Variants in MPHOSPH6 observed in about 807,000 individuals in gnomAD.
MPHOSPH6 encodes the protein M-phase phosphoprotein 6.
MPHOSPH6 carries 25 observed loss-of-function variants against 21.8 expected under a neutral mutation model. The observed-to-expected ratio is 1.15, with a 90% confidence interval of 0.83 to 1.60. MPHOSPH6 has a LOEUF of 1.60. Ranked by LOEUF, MPHOSPH6 falls within the 40% of genes most tolerant of loss-of-function variation. MPHOSPH6 has a pLI of 0.00. For missense variants in MPHOSPH6, 269 were observed against 181.8 expected, an observed-to-expected ratio of 1.48 and a Z score of -2.76; for synonymous variants, 84 against 56.5, an observed-to-expected ratio of 1.49 and a Z score of -2.18.
intron 1 of MPHOSPH6, among the ~76,000 whole-genome samples, chr16:82,167,387 C>G (rs1289229887): frequency 1.2e-4 from 18 of 152,184 alleles, no homozygotes; most frequent in Admixed American, 1.1e-3. Flanking sequence ...CTTTTTGGCA[C>G]CAGGGATGGG....
intron 1 of MPHOSPH6, among the ~76,000 whole-genome samples, chr16:82,165,440 C>T (rs1906742980): frequency 6.6e-6 from 1 of 151,972 alleles, no homozygotes; most frequent in African/African-American, 2.4e-5. Context: ...CCATATTTCT[C>T]CTCCTTCTAT....
At chr16:82,164,266 C>T (rs1234644973) in intron 1 of MPHOSPH6, 72 bp from the exon 2 acceptor site, 3 of 938,316 alleles carry the variant, frequency 3.2e-6, no homozygotes, top group Non-Finnish European at 4.9e-6. Context: ...AAATAATTTT[C>T]TTCTTCTACT....
intron 2 of MPHOSPH6, among the ~76,000 whole-genome samples, chr16:82,158,188 TATATATAA>T (rs1233583677): frequency 2.0e-5 from 3 of 152,030 alleles, no homozygotes; most frequent in Non-Finnish European, 4.4e-5. Flanking sequence ...ATTGAAACTC[TATATATAA>T]GATACTTCTT....
intron 2 of MPHOSPH6, among the ~76,000 whole-genome samples, chr16:82,158,898 C>T (rs1403450630): frequency 6.6e-6 from 1 of 152,194 alleles, no homozygotes; most frequent in Middle Eastern, 3.2e-3. Context: ...CTATACAACT[C>T]ATTTTCCAAA....
chr16:82,161,984 C>G lies in MPHOSPH6; in HGVS notation c.164+2098G>C, dbSNP rs527831923. Among the ~76,000 whole-genome samples, 4 of 152,266 alleles carry G rather than the reference C, an allele frequency of 2.6e-5. No individual in the cohort carries two copies. The East Asian group carries it at 7.7e-4, about 29-fold the overall frequency. ...CAAATTCACAGAATAGTTAAGACAA[C>G]ACTAGCAAAAAAGGATACACAAACA... is the stretch of plus-strand genomic sequence containing the variant. On this transcript the variant is annotated intron_variant, in intron 2 of 4. Coordinates refer to ENST00000258169, the MANE Select transcript of MPHOSPH6 (RefSeq NM_005792.2).
chr16:82,161,383 G>A (rs903001487), intron 2 of MPHOSPH6, among the ~76,000 whole-genome samples: 1 of 152,090 alleles, frequency 6.6e-6, no homozygotes, highest in Non-Finnish European at 1.5e-5. Flanking sequence ...ACTCCAAACA[G>A]ACCACAAAAC....
At chr16:82,168,092 C>T (rs144425386) in intron 1 of MPHOSPH6, among the ~76,000 whole-genome samples, 9 of 151,676 alleles carry the variant, frequency 5.9e-5, no homozygotes, top group East Asian at 3.9e-4. Flanking sequence ...TTGCTTCCAA[C>T]GTCCAGTTGA....
intron 2 of MPHOSPH6, among the ~76,000 whole-genome samples, chr16:82,159,835 C>G (rs1906551602): frequency 6.6e-6 from 1 of 152,182 alleles, no homozygotes; most frequent in Non-Finnish European, 1.5e-5. Context: ...TTCAGAACCG[C>G]CTCTCCCTGA....
Position 82,150,577 on chromosome 16 carries a change from C to T in MPHOSPH6, c.255+847G>A, listed in dbSNP as rs552441369. Among the ~76,000 whole-genome samples, 3 of 152,280 alleles carry T rather than the reference C, an allele frequency of 2.0e-5. No homozygotes were observed. In the South Asian group the frequency reaches 6.2e-4, roughly 32 times the overall value. The stretch of plus-strand genomic sequence containing the variant: ...TGGTTCTTAACTGGGGATGATTTTC[C>T]CCACCAGGGAACCTGTGAAAATGTC... On this transcript the variant is annotated intron_variant, in intron 3 of 4. Coordinates refer to ENST00000258169, the MANE Select transcript of MPHOSPH6 (RefSeq NM_005792.2).
At chr16:82,163,140 A>C (rs978524707) in intron 2 of MPHOSPH6, among the ~76,000 whole-genome samples, 1 of 152,250 alleles carries the variant, frequency 6.6e-6, no homozygotes, top group Non-Finnish European at 1.5e-5. Context: ...AACAATGTCC[A>C]GAGGTCAGCC....
chr16:82,153,133 A>G (rs1172704235), intron 2 of MPHOSPH6, among the ~76,000 whole-genome samples: 3 of 152,198 alleles, frequency 2.0e-5, no homozygotes, highest in Non-Finnish European at 4.4e-5. Flanking sequence ...ACCTCCAAAA[A>G]AAAAGAAAAA....
At chr16:82,164,425 G>C (rs746931043) in intron 1 of MPHOSPH6, among the ~76,000 whole-genome samples, 2 of 152,168 alleles carry the variant, frequency 1.3e-5, no homozygotes, top group African/African-American at 4.8e-5. Context: ...TATTTCCTTC[G>C]GAAAACTTAA....
intron 2 of MPHOSPH6, among the ~76,000 whole-genome samples, chr16:82,162,002 C>T (rs1006080321): frequency 5.3e-5 from 8 of 152,188 alleles, no homozygotes; most frequent in African/African-American, 2.4e-5. Flanking sequence ...AAAAAGGATA[C>T]ACAAACATAA....
intron 3 of MPHOSPH6, among the ~76,000 whole-genome samples, chr16:82,150,829 T>G (rs10514531): frequency 6.6e-4 from 100 of 152,286 alleles, no homozygotes; most frequent in African/African-American, 2.4e-3. Context: ...ATGTGTCCAT[T>G]TGGTTCATCA....
chr16:82,158,878 C>G (rs1430820490), intron 2 of MPHOSPH6, among the ~76,000 whole-genome samples: 1 of 152,166 alleles, frequency 6.6e-6, no homozygotes, highest in Non-Finnish European at 1.5e-5. Context: ...TGAGTTAACA[C>G]TGGGAAAATC....
intron 2 of MPHOSPH6, among the ~76,000 whole-genome samples, chr16:82,151,824 T>C (rs1234123728): frequency 6.6e-6 from 1 of 152,240 alleles, no homozygotes; most frequent in African/African-American, 2.4e-5. Flanking sequence ...TGAAGCAAAG[T>C]TTCTTTTGTG....
At chr16:82,157,568 T>C (rs1235781576) in intron 2 of MPHOSPH6, among the ~76,000 whole-genome samples, 2 of 152,204 alleles carry the variant, frequency 1.3e-5, no homozygotes, top group South Asian at 2.1e-4. Flanking sequence ...CAAAGATGCA[T>C]GCACTATCAA....
chr16:82,163,177 A>C (rs1323244595), intron 2 of MPHOSPH6, among the ~76,000 whole-genome samples: 1 of 152,268 alleles, frequency 6.6e-6, no homozygotes, highest in Non-Finnish European at 1.5e-5. Flanking sequence ...ATAACATTCC[A>C]AATCAAAGCC....
chr16:82,160,649 C>T (rs550185994), intron 2 of MPHOSPH6, among the ~76,000 whole-genome samples: 4 of 152,226 alleles, frequency 2.6e-5, no homozygotes, highest in Non-Finnish European at 4.4e-5. Flanking sequence ...GAGATCTCAG[C>T]TATGATGCAA....
Sources: allele counts gnomAD v4.1 joint callset (sites outside exome capture counted in the v4.1 genomes callset), GRCh38; gene constraint gnomAD v4.1.1; transcripts MANE v1.5; gene names NCBI Gene and HGNC (gene_info 2026-07-23, HGNC 2026-07-21).